ZBTB20: variants seen among roughly 807,000 people sequenced by gnomAD.
ZBTB20 encodes the protein zinc finger and BTB domain-containing protein 20.
A neutral mutation model predicts 56.9 loss-of-function variants in ZBTB20; 9 were observed. The observed-to-expected ratio is 0.16, with a 90% CI of 0.10 to 0.28. The LOEUF (loss-of-function observed/expected upper bound fraction) is 0.28. ZBTB20 is among the 10% of genes least tolerant of loss of function. The pLI, the probability that ZBTB20 is intolerant of heterozygous loss-of-function variation, is 1.00. For missense variants in ZBTB20, 655 were observed against 1,003.0 expected (o/e 0.65, Z 4.69); for synonymous variants, 417 against 420.7 (o/e 0.99, Z 0.11).
At chr3:114,985,133 A>G (rs182803535) in intron 2 of ZBTB20, among the ~76,000 whole-genome samples, 27 of 152,212 alleles carry the variant, frequency 1.8e-4, no homozygotes, top group Admixed American at 2.6e-4. Flanking sequence ...TTATTTATAA[A>G]CTGACTCATT....
chr3:115,123,420 C>T (rs2084238428), intron 1 of ZBTB20, among the ~76,000 whole-genome samples: 1 of 152,062 alleles, frequency 6.6e-6, no homozygotes, highest in Admixed American at 6.6e-5. Flanking sequence ...AAAATAGACA[C>T]AGAGAATAGA....
At chr3:114,341,083 G>C (rs2079724786) in intron 11 of ZBTB20, among the ~76,000 whole-genome samples, 1 of 152,138 alleles carries the variant, frequency 6.6e-6, no homozygotes, top group South Asian at 2.1e-4. Flanking sequence ...TTGTTATTGT[G>C]TTTTCAAACA....
chr3:114,359,079 A>C (rs927871259), intron 10 of ZBTB20, among the ~76,000 whole-genome samples: 19 of 4,742 alleles, frequency 4.0e-3, no homozygotes, highest in Non-Finnish European at 0.013. Flanking sequence ...CTCTACTCTG[A>C]TTTCTTTTTT....
chr3:114,712,736 C>T (rs1291998985), intron 5 of ZBTB20, among the ~76,000 whole-genome samples: 3 of 150,872 alleles, frequency 2.0e-5, no homozygotes, highest in Non-Finnish European at 4.4e-5. Context: ...GCAGTTTGTT[C>T]ACGAAATCAA....
intron 5 of ZBTB20, among the ~76,000 whole-genome samples, chr3:114,726,965 A>T (rs1317390386): frequency 6.9e-6 from 1 of 144,634 alleles, no homozygotes; most frequent in Non-Finnish European, 1.5e-5. Flanking sequence ...GAAGAGTTGG[A>T]TGAAGAGTTT....
At chr3:115,052,527 G>T (rs182102364) in intron 2 of ZBTB20, among the ~76,000 whole-genome samples, 36 of 152,024 alleles carry the variant, frequency 2.4e-4, no homozygotes, top group African/African-American at 8.0e-4. Flanking sequence ...TTAAAGAGAT[G>T]AGATTATAAT....
intron 5 of ZBTB20, among the ~76,000 whole-genome samples, chr3:114,719,084 A>G (rs1312804757): frequency 6.7e-6 from 1 of 150,176 alleles, no homozygotes; most frequent in South Asian, 2.1e-4. Context: ...GAAGGAGCCA[A>G]AAGGCCAGGA....
intron 5 of ZBTB20, among the ~76,000 whole-genome samples, chr3:114,748,322 C>CTT (rs149305083): frequency 2.6e-5 from 3 of 114,264 alleles, no homozygotes; most frequent in East Asian, 2.7e-4. Flanking sequence ...TTCTTTCTTT[C>CTT]TTTCTTTCTT....
intron 7 of ZBTB20, among the ~76,000 whole-genome samples, chr3:114,402,720 C>A (rs1395061918): frequency 6.6e-6 from 1 of 152,096 alleles, no homozygotes; most frequent in Non-Finnish European, 1.5e-5. Context: ...AGCTGGTGGA[C>A]TAAATGTTTT....
At chr3:114,986,662 A>G (rs932707159) in intron 2 of ZBTB20, among the ~76,000 whole-genome samples, 2 of 152,104 alleles carry the variant, frequency 1.3e-5, no homozygotes, top group African/African-American at 4.8e-5. Context: ...CCTTTATCCA[A>G]AGTATAATAA....
chr3:114,680,113 C>T (rs2061879942), intron 6 of ZBTB20, among the ~76,000 whole-genome samples: 1 of 152,046 alleles, frequency 6.6e-6, no homozygotes, highest in Non-Finnish European at 1.5e-5. Flanking sequence ...GCGAGGGGAA[C>T]ATTACACACC....
intron 6 of ZBTB20, among the ~76,000 whole-genome samples, chr3:114,502,386 C>T (rs369670682): frequency 3.9e-5 from 6 of 152,278 alleles, no homozygotes; most frequent in African/African-American, 1.2e-4. Context: ...GAAATGATTT[C>T]CCTTTGTGGT....
At chr3:114,529,231 T>C (rs1421888611) in intron 6 of ZBTB20, 21 of 152,116 alleles carry the variant, frequency 1.4e-4, no homozygotes, top group Admixed American at 1.4e-3. Context: ...CCTGGTCCAT[T>C]AAAAGTTCCT....
At chr3:114,859,257 C>CT (rs2075388310) in intron 4 of ZBTB20, among the ~76,000 whole-genome samples, 2 of 99,912 alleles carry the variant, frequency 2.0e-5, no homozygotes, top group Non-Finnish European at 4.4e-5. Context: ...CTTTCTTTTC[C>CT]TCCTTCCTTC....
At chr3:114,765,320 G>C (rs139018930) in intron 5 of ZBTB20, among the ~76,000 whole-genome samples, 4 of 152,118 alleles carry the variant, frequency 2.6e-5, no homozygotes, top group African/African-American at 9.7e-5. Context: ...TCGTAATGGA[G>C]TAAGGTGGTT....
intron 10 of ZBTB20, among the ~76,000 whole-genome samples, chr3:114,377,919 T>C (rs1271811660): frequency 6.6e-6 from 1 of 152,148 alleles, no homozygotes; most frequent in Non-Finnish European, 1.5e-5. Flanking sequence ...ATTCAAGCAC[T>C]TGTGAAAGCT....
chr3:114,764,658 A>G (rs546847670), intron 5 of ZBTB20, among the ~76,000 whole-genome samples: 1 of 152,202 alleles, frequency 6.6e-6, no homozygotes, highest in Non-Finnish European at 1.5e-5. Flanking sequence ...ATTTTCCTAT[A>G]TCAGTGAGCA....
chr3:115,103,487 T>C (rs1321498007), intron 1 of ZBTB20, among the ~76,000 whole-genome samples: 2 of 152,174 alleles, frequency 1.3e-5, no homozygotes, highest in Non-Finnish European at 2.9e-5. Context: ...TGCATGATGC[T>C]GGCAAAGAAT....
intron 3 of ZBTB20, among the ~76,000 whole-genome samples, chr3:114,908,351 G>A (rs2075397268): frequency 6.6e-6 from 1 of 151,972 alleles, no homozygotes. Context: ...TAGAGCTAGG[G>A]TATTTGGCAT....
Sources: gnomAD v4.1 joint callset for allele counts (sites outside exome capture counted in the v4.1 genomes callset) on GRCh38, gnomAD v4.1.1 for gene constraint, MANE v1.5 for transcripts, NCBI Gene and HGNC (gene_info 2026-07-23, HGNC 2026-07-21) for gene names.